MEI1: variants seen among roughly 807,000 people sequenced by gnomAD.
MEI1 encodes the protein meiotic double-stranded break formation protein 1, also known as meiosis inhibitor protein 1.
In MEI1, 103 loss-of-function variants were observed where a neutral mutation model predicts 146.2. That is an observed-to-expected ratio of 0.70 (90% confidence interval 0.60 to 0.83). The LOEUF (loss-of-function observed/expected upper bound fraction) is 0.83. Among genes scored for constraint, MEI1 ranks in the 40% least tolerant of loss-of-function variants. The pLI is 0.00. For missense variants in MEI1, 1,529 were observed against 1,533.0 expected (o/e 1.00, Z 0.04); for synonymous variants, 652 against 628.2 (o/e 1.04, Z -0.57).
chr22:41,706,332 TG>T (rs750628644), intron 3 of MEI1, among the ~76,000 whole-genome samples: 21 of 152,126 alleles, frequency 1.4e-4, no homozygotes, highest in Non-Finnish European at 2.4e-4. Context: ...ATTTTTTCCT[TG>T]GGTATTTACT....
chr22:41,707,028 CAAAAA>C (rs59421678), intron 3 of MEI1, among the ~76,000 whole-genome samples: 12 of 130,888 alleles, frequency 9.2e-5, no homozygotes, highest in African/African-American at 3.7e-4. Flanking sequence ...CCATCTCTAC[CAAAAA>C]AAAAAAAAAA....
chr22:41,739,852 T>G (rs1434317862), intron 11 of MEI1, among the ~76,000 whole-genome samples: 1 of 152,084 alleles, frequency 6.6e-6, no homozygotes, highest in East Asian at 1.9e-4. Flanking sequence ...AGGACCTGGA[T>G]TAGCAAAACA....
chr22:41,705,749 C>T (rs2069045382), intron 3 of MEI1, among the ~76,000 whole-genome samples, 195 bp downstream of exon 3: 1 of 150,554 alleles, frequency 6.6e-6, no homozygotes, highest in African/African-American at 2.5e-5. Context: ...GCTCTGTTGC[C>T]CAGGCTGGAG....
rs6002475 is a variant in MEI1, at chr22:41,772,855, C to T, written c.2544+1894C>T. Among the ~76,000 whole-genome samples, 47 of 152,198 alleles carry T rather than the reference C, an allele frequency of 3.1e-4. 1 individual carries two copies. Among genetic ancestry groups the T allele is most frequent in the African/African-American group, 1.1e-3 (45 of 41,530 alleles). ...ACTCAAATCCCTGCACCACCCCTGACCTCTCTCCTGAGCTCATACCCATGA... is the reference window on the plus strand; with the variant it reads ...ACTCAAATCCCTGCACCACCCCTGATCTCTCTCCTGAGCTCATACCCATGA... On this transcript the variant is annotated intron_variant, in intron 20 of 30. Coordinates refer to ENST00000401548, the MANE Select transcript of MEI1 (RefSeq NM_152513.4).
chr22:41,699,896 C>G (rs1432389950), intron 1 of MEI1, among the ~76,000 whole-genome samples, 184 bp downstream of exon 1: 1 of 152,222 alleles, frequency 6.6e-6, no homozygotes, highest in African/African-American at 2.4e-5. Flanking sequence ...GGCCCCTCAG[C>G]CCCAGGCCGG....
intron 20 of MEI1, among the ~76,000 whole-genome samples, chr22:41,772,727 A>G (rs1351085679): frequency 1.3e-5 from 2 of 152,168 alleles, no homozygotes; most frequent in African/African-American, 4.8e-5. Context: ...CCTATCTATC[A>G]GTTGTTCTGT....
At chr22:41,707,409 C>T (rs532516515) in intron 3 of MEI1, among the ~76,000 whole-genome samples, 4 of 152,178 alleles carry the variant, frequency 2.6e-5, no homozygotes, top group African/African-American at 7.2e-5. Context: ...TAGATAATAC[C>T]GTTGTCTCTG....
chr22:41,786,394 C>CTTA (rs1323068356), intron 26 of MEI1, among the ~76,000 whole-genome samples: 2 of 152,168 alleles, frequency 1.3e-5, no homozygotes, highest in Non-Finnish European at 2.9e-5. Context: ...CTCAATTTGG[C>CTTA]TTATAACTGA....
At position 41,699,596 on chromosome 22, in the gene MEI1, G is replaced by A; in HGVS notation, c.58G>A (p.Ala20Thr). 2 of 1,612,734 alleles carry A rather than the reference G, an allele frequency of 1.2e-6. No individual in the cohort carries two copies. ...TCCCGGGCCCAGGAGAGAGGAAGAG[G>A]CGGCGCTTCTATTCGAGAGGGCCCA... is the stretch of plus-strand genomic sequence containing the variant. Reference protein sequence around the residue: ...GTPGPRREEEAALLFERAHYR... With the variant: ...GTPGPRREEETALLFERAHYR... Residue 20 changes from alanine to threonine, a missense_variant, in exon 1 of 31, where the codon GCG (alanine) becomes ACG (threonine). Physicochemically the swap from Ala to Thr is moderately conservative, Grantham distance 58. Coordinates refer to ENST00000401548, the MANE Select transcript of MEI1 (RefSeq NM_152513.4).
intron 30 of MEI1, among the ~76,000 whole-genome samples, chr22:41,797,419 C>G (rs1161440307): frequency 1.3e-5 from 2 of 152,096 alleles, no homozygotes; most frequent in Admixed American, 6.5e-5. Flanking sequence ...CAAGACCAGC[C>G]TGGCCAACAT....
rs369777935 is a variant in MEI1 at position 41,714,047 on chromosome 22, G to A, written c.395G>A (p.Arg132His). 1.4e-5 allele frequency: 22 copies of A among 1,600,320 alleles called. No homozygotes were observed. Among genetic ancestry groups the A allele is most frequent in the East Asian group, 4.5e-5 (2 of 44,528 alleles). The change falls in exon 4 of 31, where the codon CGT (arginine) becomes CAT (histidine). Residue 132 changes from arginine (R) to histidine (H), a missense_variant. Coordinates refer to ENST00000401548, the MANE Select transcript of MEI1 (RefSeq NM_152513.4). ...CAGCTGAAGCTGGAGCAGACTATCC[G>A]TTGCCTGCTGGATGAGTGCCACAAA... ...TTQLKLEQTI[R>H]CLLDECHKEL... is the part of the protein sequence containing the mutation.
intron 19 of MEI1, among the ~76,000 whole-genome samples, chr22:41,765,526 C>T (rs922608313): frequency 6.6e-6 from 1 of 152,088 alleles, no homozygotes; most frequent in Non-Finnish European, 1.5e-5. Context: ...GGGCAACATA[C>T]AATCACAACT....
intron 30 of MEI1, among the ~76,000 whole-genome samples, chr22:41,798,868 CTA>C (rs1371974840): frequency 7.2e-6 from 1 of 138,732 alleles, no homozygotes; most frequent in Non-Finnish European, 1.5e-5. Flanking sequence ...CAGAGTGAGA[CTA>C]TGTCTCAAAA....
chr22:41,732,657 G>C (rs780991794), intron 11 of MEI1, 54 bp downstream of exon 11: 11 of 1,566,458 alleles, frequency 7.0e-6, no homozygotes, highest in Non-Finnish European at 9.5e-6. Flanking sequence ...CTAAGGGCCT[G>C]TTGAGGCCAG....
At position 41,701,878 on chromosome 22, in the gene MEI1, T is replaced by A. The variant is rs181769583; in HGVS notation, c.175-1453T>A. On this transcript the variant is annotated intron_variant, in intron 1 of 30. Coordinates refer to ENST00000401548, the MANE Select transcript of MEI1 (RefSeq NM_152513.4). ...AGGTAGGTATTATAAGGATGGGTTTTGGGGATAATCAGAGTGTTTGAAGGG... is the reference window on the plus strand; with the variant it reads ...AGGTAGGTATTATAAGGATGGGTTTAGGGGATAATCAGAGTGTTTGAAGGG... Among the ~76,000 whole-genome samples, 140 of 152,252 alleles carry A rather than the reference T, an allele frequency of 9.2e-4. 1 individual carries two copies. Among genetic ancestry groups the A allele is most frequent in the Non-Finnish European group, 1.8e-3 (121 of 68,018 alleles).
chr22:41,755,553 C>T (rs1290323855), intron 17 of MEI1, among the ~76,000 whole-genome samples: 1 of 152,200 alleles, frequency 6.6e-6, no homozygotes, highest in African/African-American at 2.4e-5. Context: ...ACCATCACCT[C>T]TCATGCTCAT....
chr22:41,742,203 G>T (rs1447254035), intron 11 of MEI1, among the ~76,000 whole-genome samples: 5 of 152,102 alleles, frequency 3.3e-5, no homozygotes, highest in Admixed American at 1.3e-4. Context: ...GAGGTTGCAG[G>T]GAGCCAAGAT....
intron 17 of MEI1, among the ~76,000 whole-genome samples, chr22:41,757,297 T>C (rs974700724): frequency 6.6e-6 from 1 of 152,060 alleles, no homozygotes; most frequent in African/African-American, 2.4e-5. Context: ...GTTTTCACCG[T>C]GTTAGCCAGG....
At chr22:41,726,009 G>A (rs1387625781) in intron 7 of MEI1, among the ~76,000 whole-genome samples, 2 of 152,340 alleles carry the variant, frequency 1.3e-5, no homozygotes, top group East Asian at 3.9e-4. Context: ...GCCGGGTGCA[G>A]TGGCTCATGC....
Sources: allele counts gnomAD v4.1 joint callset (sites outside exome capture counted in the v4.1 genomes callset), GRCh38; gene constraint gnomAD v4.1.1; transcripts MANE v1.5; gene names NCBI Gene and HGNC (gene_info 2026-07-23, HGNC 2026-07-21).